Variants in C3orf52 observed in about 807,000 individuals in gnomAD.
C3orf52 encodes the protein chromosome 3 open reading frame 52.
C3orf52 carries 22 observed loss-of-function variants against 24.8 expected under a neutral mutation model. The observed-to-expected ratio is 0.89, with a 90% confidence interval of 0.63 to 1.27. The LOEUF is 1.27. Among genes scored for constraint, C3orf52 ranks in the 50% most tolerant of loss-of-function variants. The probability of loss-of-function intolerance (pLI) is 0.00; values close to 1 mark genes in which losing one functional copy is unlikely to be tolerated. For missense variants in C3orf52, 265 were observed against 260.7 expected (o/e 1.02, Z -0.11); for synonymous variants, 93 against 100.2 (o/e 0.93, Z 0.43).
intron 2 of C3orf52, among the ~76,000 whole-genome samples, chr3:112,100,141 C>T (rs963216192): frequency 6.6e-6 from 1 of 152,178 alleles, no homozygotes; most frequent in African/African-American, 2.4e-5. Flanking sequence ...TGCCTCATCT[C>T]TCCTCGTTTC....
chr3:112,121,443 A>C (rs2074197845), downstream of C3orf52: 1 of 152,212 alleles, frequency 6.6e-6, no homozygotes, highest in African/African-American at 2.4e-5. Flanking sequence ...TGCCTGCATT[A>C]GATGTAATCC....
At chr3:112,114,622 T>C (rs1050704097) in intron 5 of C3orf52, among the ~76,000 whole-genome samples, 3 of 151,968 alleles carry the variant, frequency 2.0e-5, no homozygotes, top group Admixed American at 6.6e-5. Context: ...GAGAATCACT[T>C]GAACCTGGGA....
At chr3:112,094,897 A>G (rs916831020) in intron 2 of C3orf52, among the ~76,000 whole-genome samples, 2 of 152,198 alleles carry the variant, frequency 1.3e-5, no homozygotes, top group African/African-American at 4.8e-5. Context: ...GCTCCCAGTT[A>G]CAAACCCAGT....
downstream of C3orf52, chr3:112,130,582 T>C: frequency 1.5e-6 from 2 of 1,355,000 alleles, no homozygotes; most frequent in Non-Finnish European, 2.1e-6. Flanking sequence ...TTTCATAATT[T>C]TTCCGACTTT....
At chr3:112,128,424 GTATGGGT>G (rs2074378990) in exon 5 of C3orf52, 1 of 387,788 alleles carries the variant, frequency 2.6e-6, no homozygotes, top group Non-Finnish European at 4.9e-6. Flanking sequence ...TTTTTTTCAG[GTATGGGT>G]TAGGCAATAT....
In C3orf52 at chr3:112,113,088, C is replaced by T; in HGVS notation, c.592C>T (p.Gln198Ter). 6.2e-7 allele frequency: 1 copy of T among 1,611,430 alleles called. No homozygotes were observed. Among genetic ancestry groups the T allele is most frequent in the Non-Finnish European group, 8.5e-7 (1 of 1,178,888 alleles). ...LGILLQDFRD[Q>*]NIPGCESLGL... ...CATTTTGCTACAGGATTTCCGTGATCAGAATATACCTGGTTGTGAGAGTCT... is the reference window on the plus strand; with the variant it reads ...CATTTTGCTACAGGATTTCCGTGATTAGAATATACCTGGTTGTGAGAGTCT... Residue 198 changes from glutamine to a stop codon, truncating the protein, a stop_gained, in exon 5 of 6, where the codon CAG becomes TAG. Coordinates refer to ENST00000264848, the MANE Select transcript of C3orf52 (RefSeq NM_024616.3). LOFTEE classifies it high-confidence loss of function.
downstream of C3orf52, chr3:112,129,032 G>A (rs1438569534): frequency 6.6e-6 from 1 of 152,224 alleles, no homozygotes; most frequent in Non-Finnish European, 1.5e-5. Flanking sequence ...CTGCTTGGCT[G>A]AGCATTCTGA....
At chr3:112,111,237 T>C (rs181434027) in intron 4 of C3orf52, among the ~76,000 whole-genome samples, 3 of 152,286 alleles carry the variant, frequency 2.0e-5, no homozygotes, top group Non-Finnish European at 2.9e-5. Flanking sequence ...GTGTACATGG[T>C]ACTTACGGTG....
At chr3:112,123,313 G>T in intron 4 of C3orf52, 1 of 1,434,480 alleles carries the variant, frequency 7.0e-7, no homozygotes, top group Non-Finnish European at 9.2e-7. Context: ...AGGGCTTGTG[G>T]TATACAAACC....
downstream of C3orf52, among the ~76,000 whole-genome samples, chr3:112,131,636 C>G (rs2074454448): frequency 6.6e-6 from 1 of 152,030 alleles, no homozygotes; most frequent in Non-Finnish European, 1.5e-5. Context: ...TCAAGGGAGA[C>G]CTTTTAAATC....
chr3:112,130,549 T>C (rs748755895), downstream of C3orf52: 78 of 1,559,150 alleles, frequency 5.0e-5, no homozygotes, highest in Middle Eastern at 1.7e-4. Context: ...GCTAAGTATT[T>C]CCTAAACAGG....
chr3:112,107,352 C>G (rs1341226048), intron 3 of C3orf52, among the ~76,000 whole-genome samples: 1 of 152,192 alleles, frequency 6.6e-6, no homozygotes, highest in East Asian at 1.9e-4. Context: ...CTGCAGCATC[C>G]TCATCCTCCT....
Position 112,102,821 on chromosome 3 carries a change from T to A in C3orf52, c.269-17T>A, listed in dbSNP as rs769035694. On this transcript the variant is annotated splice_polypyrimidine_tract_variant and intron_variant, in intron 2 of 5. Coordinates refer to ENST00000264848, the MANE Select transcript of C3orf52 (RefSeq NM_024616.3). Reference sequence around the variant, plus strand: ...TTTACTTTTGTTTTTCATTTCCACCTCCCCTACTTTCTTTAGTAACTTATG... The same window carrying A: ...TTTACTTTTGTTTTTCATTTCCACCACCCCTACTTTCTTTAGTAACTTATG... 6.5e-7 allele frequency: 1 copy of A among 1,537,172 alleles called. No homozygotes were observed. Among genetic ancestry groups the A allele is most frequent in the Middle Eastern group, 1.7e-4 (1 of 5,874 alleles).
intron 5 of C3orf52, among the ~76,000 whole-genome samples, chr3:112,115,087 C>T (rs2074122378): frequency 6.6e-6 from 1 of 152,204 alleles, no homozygotes; most frequent in Admixed American, 6.5e-5. Context: ...CATTCTTTCT[C>T]TCAGACATTT....
intron 1 of C3orf52, among the ~76,000 whole-genome samples, chr3:112,090,628 G>A (rs1001053015): frequency 1.3e-5 from 2 of 152,106 alleles, no homozygotes; most frequent in Non-Finnish European, 2.9e-5. Context: ...GATGACGGCT[G>A]TAAAATTTTA....
At chr3:112,133,489 T>C (rs994879728), downstream of C3orf52, 7 of 208,758 alleles carry the variant, frequency 3.4e-5, no homozygotes, top group Non-Finnish European at 5.7e-5. Flanking sequence ...GTTGTCTTCT[T>C]AGAAAAGTCA....
At position 112,117,124 on chromosome 3, in the gene C3orf52, T is replaced by A; in HGVS notation, c.*478T>A. ...GTGGGATCGCGTAAGCATGAGCTGG[T>A]AGAGCACGGAGAGGCAGGCAGCCAG... On this transcript the variant is annotated 3_prime_UTR_variant, in exon 6 of 6. Transcript: ENST00000264848. 1.7e-6 allele frequency: 1 copy of A among 582,088 alleles called. No individual in the cohort carries two copies. The highest frequency in any genetic ancestry group is 3.0e-6 in the Non-Finnish European group (1 of 332,028). 36.1% of individuals were successfully genotyped at this position (582,088 alleles called of 1,614,324 possible). A position where few individuals can be genotyped will look rare whatever the true frequency, so the allele number is the denominator to read the frequency against.
At chr3:112,123,631 A>G (rs752286329) in intron 4 of C3orf52, 28 of 1,614,032 alleles carry the variant, frequency 1.7e-5, no homozygotes, top group Middle Eastern at 1.6e-4. Flanking sequence ...GTTCCTCCCA[A>G]GGACTCTCTG....
At position 112,106,261 on chromosome 3, in the gene C3orf52, CTTCTT is replaced by C. The variant is rs1012580386; in HGVS notation, c.397-3279_397-3275del. 8.7e-4 allele frequency among the ~76,000 whole-genome samples: 11 copies of C among 12,684 alleles called. No homozygotes were observed. In the Non-Finnish European group the frequency reaches 0.01, roughly 12 times the overall value. 8.3% of individuals were successfully genotyped at this position (12,684 alleles called of 152,430 possible). ...GGCCAAAAGCTTCAGATTTCTTCTT[CTTCTT>C]TTTTTTTTCTCCAGACAGTTTTCAC... On this transcript the variant is annotated intron_variant, in intron 3 of 5. Transcript: ENST00000264848.
Sources: gnomAD v4.1 joint callset for allele counts (sites outside exome capture counted in the v4.1 genomes callset) on GRCh38, gnomAD v4.1.1 for gene constraint, MANE v1.5 for transcripts, NCBI Gene and HGNC (gene_info 2026-07-23, HGNC 2026-07-21) for gene names.